The following LPA variants were observed in gnomAD, a reference collection of about 807,000 sequenced individuals.
LPA encodes lipoprotein(a).
In LPA, 199 loss-of-function variants were observed where a neutral mutation model predicts 197.9. The ratio of observed to expected loss-of-function variants is 1.01; its 90% CI spans 0.90 to 1.13. LPA has a LOEUF of 1.13. Ranked by LOEUF, LPA falls within the 50% of genes most tolerant of loss-of-function variation. The probability of loss-of-function intolerance (pLI) is 0.00; values close to 1 mark genes in which losing one functional copy is unlikely to be tolerated. For missense variants in LPA, 1,853 were observed against 1,785.8 expected, an observed-to-expected ratio of 1.04 and a Z score of -0.68; for synonymous variants, 715 against 639.5, an observed-to-expected ratio of 1.12 and a Z score of -1.78.
intron 37 of LPA, among the ~76,000 whole-genome samples, chr6:160,537,515 C>A (rs1235200388): frequency 1.3e-5 from 2 of 152,128 alleles, no homozygotes; most frequent in African/African-American, 4.8e-5. Flanking sequence ...ACCCCACTTA[C>A]CTGGGGAAGC....
At chr6:160,599,388 T>A in intron 20 of LPA, 112 bp downstream of exon 20, 1 of 1,477,412 alleles carries the variant, frequency 6.8e-7, no homozygotes, top group Non-Finnish European at 9.4e-7. Flanking sequence ...CAGGAAATGT[T>A]CCTCTGCATC....
At chr6:160,652,016 C>A (rs376685454) in intron 1 of LPA, among the ~76,000 whole-genome samples, 407 of 121,982 alleles carry the variant, frequency 3.3e-3, no homozygotes, top group Middle Eastern at 8.7e-3. Flanking sequence ...GAGTTCCTGA[C>A]AAAAAAAAAA....
chr6:160,565,633 C>T (rs570541557), intron 28 of LPA, among the ~76,000 whole-genome samples: 46 of 152,276 alleles, frequency 3.0e-4, no homozygotes, highest in African/African-American at 5.8e-4. Context: ...TCCGAAGGAA[C>T]GCAGCTCCTC....
At position 160,595,460 on chromosome 6, in the gene LPA, G is replaced by C. The variant is rs1264915467; in HGVS notation, c.3363C>G (p.Val1121=). 1 of 1,613,766 alleles carries C rather than the reference G, an allele frequency of 6.2e-7. No individual in the cohort carries two copies. ...RPWCYTMDPS[V]RWEYCNLTQC... ...GTGTCAGGTTGCAGTACTCCCACCT[G>C]ACACTGGGATCCATGGTGTAACACC... The change falls in exon 21 of 39, where the codon GTC becomes GTG. Residue 1121 remains valine, a synonymous_variant. Transcript: ENST00000316300.
chr6:160,599,876 A>G (rs1413185726), intron 19 of LPA, among the ~76,000 whole-genome samples: 1 of 152,220 alleles, frequency 6.6e-6, no homozygotes, highest in African/African-American at 2.4e-5. Context: ...GAAATATTTC[A>G]TGTAAAACTT....
At chr6:160,595,311 C>T (rs1286365108) in intron 21 of LPA, 43 bp downstream of exon 21, 1 of 1,607,560 alleles carries the variant, frequency 6.2e-7, no homozygotes, top group Non-Finnish European at 8.5e-7. Context: ...CTCTTTTCAT[C>T]CCAACGTCCT....
chr6:160,663,906 G>A (rs1347960465), intron 1 of LPA, among the ~76,000 whole-genome samples: 1 of 151,938 alleles, frequency 6.6e-6, no homozygotes, highest in Admixed American at 6.6e-5. Flanking sequence ...CAGCCAGACT[G>A]GCCATCATGT....
At chr6:160,597,410 TA>T (rs1216332617) in intron 20 of LPA, among the ~76,000 whole-genome samples, 7 of 152,232 alleles carry the variant, frequency 4.6e-5, no homozygotes, top group Non-Finnish European at 8.8e-5. Context: ...GAACAATTTT[TA>T]CTTCTCTATG....
intron 35 of LPA, among the ~76,000 whole-genome samples, 185 bp from the exon 36 acceptor site, chr6:160,540,368 T>C (rs1777962231): frequency 6.6e-6 from 1 of 152,198 alleles, no homozygotes; most frequent in Non-Finnish European, 1.5e-5. Flanking sequence ...TCAATCTGTT[T>C]CATCAGAGAC....
chr6:160,577,262 C>A lies in LPA; in HGVS notation c.4505G>T (p.Cys1502Phe). 1 of 1,613,790 alleles carries A rather than the reference C, an allele frequency of 6.2e-7. No homozygotes were observed. Among genetic ancestry groups the A allele is most frequent in the East Asian group, 2.2e-5 (1 of 44,870 alleles). The change falls in exon 28 of 39, where the codon TGC becomes TTC. Residue 1502 changes from cysteine to phenylalanine, a missense_variant. By Grantham distance (205) the Cys-to-Phe change is radical. Around this residue, in one of 3 missense-constraint regions of LPA, gnomAD observed 1,737 missense variants for 1,504.4 expected, o/e 1.15. Coordinates refer to ENST00000316300, the MANE Select transcript of LPA (RefSeq NM_005577.4). ...PPEKSPVVQD[C>F]YHGDGRSYRG... ...ATAACTCCGTCCATCACCATGGTAG[C>A]AATCCTGGACCACAGGGCTTTTCTC...
At chr6:160,541,321 G>T in intron 34 of LPA, 140 bp from the exon 35 acceptor site, 2 of 715,248 alleles carry the variant, frequency 2.8e-6, no homozygotes, top group Non-Finnish European at 5.0e-6. Flanking sequence ...CCAACGTCAG[G>T]ATAGTAGAAA....
intron 10 of LPA, among the ~76,000 whole-genome samples, chr6:160,626,193 T>A (rs1779642253): frequency 7.4e-6 from 1 of 135,636 alleles, no homozygotes; most frequent in East Asian, 1.9e-4. Context: ...GTTTCACGAT[T>A]CTGTGATTTT....
chr6:160,664,154 A>C lies in LPA; in HGVS notation c.49+12T>G. ...AAAATAATTCTTATAATTTAAAAAAACTATGTCTTACCTGATTTCAGAAAT... is the reference window on the plus strand; with the variant it reads ...AAAATAATTCTTATAATTTAAAAAACCTATGTCTTACCTGATTTCAGAAAT... On this transcript the variant is annotated intron_variant, in intron 1 of 38. Transcript: ENST00000316300. 1 of 1,595,802 alleles carries C rather than the reference A, an allele frequency of 6.3e-7. No homozygotes were observed.
Position 160,586,471 on chromosome 6 carries a change from G to T in LPA, c.4107C>A (p.Ser1369Arg). Reference sequence around the variant, plus strand: ...TACCTTCTTCAGAAGGAAGCTCTGTGCTTGGAACTGGGACCACCGTGGGAG... The same window carrying T: ...TACCTTCTTCAGAAGGAAGCTCTGTTCTTGGAACTGGGACCACCGTGGGAG... Reference protein sequence around the residue: ...LTTPTVVPVPSTELPSEEAPT... With the variant: ...LTTPTVVPVPRTELPSEEAPT... The change falls in exon 25 of 39, where the codon AGC becomes AGA. Residue 1369 changes from serine (S) to arginine (R), a missense_variant. This residue lies in a region of LPA where 1,737 missense variants were observed against 1,504.4 expected (regional missense o/e 1.15). Transcript: ENST00000316300. The T allele has an allele frequency of 1.9e-6, 3 of 1,613,592 alleles. No individual in the cohort carries two copies. Among genetic ancestry groups the T allele is most frequent in the Non-Finnish European group, 2.5e-6 (3 of 1,179,636 alleles).
intron 31 of LPA, 123 bp from the exon 32 acceptor site, chr6:160,548,060 A>T: frequency 1.0e-6 from 1 of 977,652 alleles, no homozygotes; most frequent in Admixed American, 1.9e-5. Flanking sequence ...ATCAGGGGCC[A>T]CATCCCTCAG....
At chr6:160,584,900 C>A in intron 26 of LPA, 146 bp downstream of exon 26, 1 of 825,308 alleles carries the variant, frequency 1.2e-6, no homozygotes. Flanking sequence ...AGACCTTTTG[C>A]TCAAAAGTAA....
chr6:160,648,944 G>T (rs1001077146), intron 2 of LPA, among the ~76,000 whole-genome samples: 3 of 152,218 alleles, frequency 2.0e-5, no homozygotes, highest in Non-Finnish European at 2.9e-5. Flanking sequence ...CACACTAAAA[G>T]GTTTCTATGT....
At chr6:160,607,472 T>C (rs945266629) in intron 16 of LPA, among the ~76,000 whole-genome samples, 1 of 152,084 alleles carries the variant, frequency 6.6e-6, no homozygotes, top group Non-Finnish European at 1.5e-5. Context: ...TAAAGGAAGA[T>C]GGCAGGGTAG....
chr6:160,588,826 T>C (rs1274273329), intron 24 of LPA, among the ~76,000 whole-genome samples: 1 of 152,162 alleles, frequency 6.6e-6, no homozygotes, highest in South Asian at 2.1e-4. Flanking sequence ...AATGATGAAG[T>C]TGATCTCCTT....
Sources: gnomAD v4.1 joint callset for allele counts (sites outside exome capture counted in the v4.1 genomes callset) on GRCh38, gnomAD v4.1.1 for gene constraint, gnomAD v4.1.1 regional missense constraint, MANE v1.5 for transcripts, NCBI Gene and HGNC (gene_info 2026-07-23, HGNC 2026-07-21) for gene names.